The following MAD1L1 variants were observed in gnomAD, a reference collection of about 807,000 sequenced individuals.
The protein encoded by MAD1L1 is mitotic spindle assembly checkpoint protein MAD1.
MAD1L1 carries 95 observed loss-of-function variants against 96.9 expected under a neutral mutation model. That is an observed-to-expected ratio of 0.98 (90% CI 0.83 to 1.16). The LOEUF (loss-of-function observed/expected upper bound fraction) is 1.16. Among genes scored for constraint, MAD1L1 ranks in the 50% most tolerant of loss-of-function variants. The probability of loss-of-function intolerance (pLI) is 0.00; values close to 1 mark genes in which losing one functional copy is unlikely to be tolerated. For synonymous variants in MAD1L1, 473 were observed against 396.6 expected, an observed-to-expected ratio of 1.19 and a Z score of -2.29; for missense variants, 1,007 against 954.4, an observed-to-expected ratio of 1.06 and a Z score of -0.73.
chr7:2,079,938 CAG>C (rs1335866586), intron 11 of MAD1L1: 1 of 364,074 alleles, frequency 2.7e-6, no homozygotes, highest in Non-Finnish European at 5.5e-6. Context: ...TGGAGTGACG[CAG>C]AGAGGCACAG....
chr7:1,966,431 C>T (rs1431998993), intron 15 of MAD1L1, among the ~76,000 whole-genome samples: 2 of 152,040 alleles, frequency 1.3e-5, no homozygotes, highest in African/African-American at 2.4e-5. Flanking sequence ...GGCCACAAGA[C>T]GGCCCATGCA....
chr7:1,871,238 C>T (rs62435158), intron 18 of MAD1L1, among the ~76,000 whole-genome samples: 75,955 of 86,522 alleles, frequency 0.88, 33,060 homozygotes, highest in Admixed American at 0.92. Flanking sequence ...ACCCAACATA[C>T]GCCTGCCACG....
chr7:2,225,030 T>A (rs993718863), intron 4 of MAD1L1, among the ~76,000 whole-genome samples: 33 of 152,336 alleles, frequency 2.2e-4, no homozygotes, highest in African/African-American at 7.5e-4. Context: ...CAAAAGAATC[T>A]GTGCCAGCAC....
intron 11 of MAD1L1, among the ~76,000 whole-genome samples, chr7:2,137,513 C>A (rs1045277268): frequency 1.3e-5 from 2 of 152,164 alleles, no homozygotes; most frequent in Admixed American, 6.5e-5. Context: ...CACACTGCCT[C>A]CTCCTTCCCT....
At chr7:2,175,513 A>C (rs1341696351) in intron 10 of MAD1L1, 3 of 152,108 alleles carry the variant, frequency 2.0e-5, no homozygotes, top group South Asian at 2.1e-4. Context: ...AAAAAAAAAA[A>C]AAAACCCACC....
chr7:2,063,707 C>T (rs1304374853), intron 12 of MAD1L1, among the ~76,000 whole-genome samples: 5 of 152,242 alleles, frequency 3.3e-5, no homozygotes, highest in South Asian at 2.1e-4. Context: ...AGCCTGGGCA[C>T]GGTGCCAGCG....
intron 17 of MAD1L1, among the ~76,000 whole-genome samples, chr7:1,909,875 G>A (rs923698021): frequency 6.6e-6 from 1 of 152,192 alleles, no homozygotes; most frequent in African/African-American, 2.4e-5. Context: ...CTCTGCTCCA[G>A]TGAGAAGACA....
intron 10 of MAD1L1, among the ~76,000 whole-genome samples, chr7:2,212,884 G>A (rs949372777): frequency 2.6e-5 from 4 of 152,284 alleles, no homozygotes; most frequent in Admixed American, 6.5e-5. Flanking sequence ...TCCCCCAAAA[G>A]CAATTATTTC....
chr7:1,885,567 G>A (rs974324009), intron 18 of MAD1L1, among the ~76,000 whole-genome samples: 2 of 152,106 alleles, frequency 1.3e-5, no homozygotes, highest in Admixed American at 6.5e-5. Context: ...ACGGTGGGCC[G>A]CTGTAGCTCC....
intron 12 of MAD1L1, among the ~76,000 whole-genome samples, chr7:2,051,146 G>A (rs114102163): frequency 1.3e-5 from 2 of 152,294 alleles, no homozygotes; most frequent in South Asian, 4.1e-4. Context: ...ACAAGGTTCC[G>A]GGCCTGGTCC....
intron 12 of MAD1L1, among the ~76,000 whole-genome samples, chr7:2,055,647 G>A (rs1407296988): frequency 4.7e-5 from 7 of 147,468 alleles, no homozygotes; most frequent in Non-Finnish European, 5.9e-5. Flanking sequence ...TCCAGCCTGG[G>A]TGACACAGAG....
chr7:2,058,514 G>A (rs1430095830), intron 12 of MAD1L1, among the ~76,000 whole-genome samples: 5 of 91,620 alleles, frequency 5.5e-5, no homozygotes, highest in Non-Finnish European at 6.8e-5. Flanking sequence ...GTGGCCAGAG[G>A]AGAGGAGAGG....
intron 11 of MAD1L1, among the ~76,000 whole-genome samples, chr7:2,087,545 T>C (rs1266129016): frequency 6.6e-6 from 1 of 151,988 alleles, no homozygotes; most frequent in Non-Finnish European, 1.5e-5. Flanking sequence ...GTCTTGAAAA[T>C]AATATTATTA....
chr7:1,888,397 T>C (rs1401923725), intron 18 of MAD1L1, among the ~76,000 whole-genome samples: 1 of 133,062 alleles, frequency 7.5e-6, no homozygotes, highest in African/African-American at 3.4e-5. Context: ...TGTGTGTGCA[T>C]GCGTGTGGCT....
Position 1,831,486 on chromosome 7 carries a change from C to T in MAD1L1, c.1999-15258G>A, listed in dbSNP as rs568838995. 2.0e-5 allele frequency among the ~76,000 whole-genome samples: 3 copies of T among 152,312 alleles called. No individual in the cohort carries two copies. In the East Asian group the frequency reaches 5.8e-4, roughly 29 times the overall value. On this transcript the variant is annotated intron_variant, in intron 18 of 18. Coordinates refer to ENST00000265854, the MANE Select transcript of MAD1L1 (RefSeq NM_001013836.2). The stretch of plus-strand genomic sequence containing the variant: ...AGGCCCATTAATAACCCTAGAATGG[C>T]TTCTAGGTGTTCAAGTGAAAGAAGA...
chr7:2,098,926 C>A (rs906421561), intron 11 of MAD1L1, among the ~76,000 whole-genome samples: 11 of 152,174 alleles, frequency 7.2e-5, no homozygotes, highest in Non-Finnish European at 1.0e-4. Flanking sequence ...AAAGGCTGAG[C>A]TGGAATTTGC....
At chr7:2,024,102 C>A (rs1360582586) in intron 12 of MAD1L1, among the ~76,000 whole-genome samples, 77 of 148,652 alleles carry the variant, frequency 5.2e-4, no homozygotes, top group African/African-American at 1.8e-3. Context: ...CCAGGTTAAC[C>A]AACATTAAAA....
intron 11 of MAD1L1, among the ~76,000 whole-genome samples, chr7:2,113,465 A>C (rs1787490288): frequency 6.6e-6 from 1 of 152,188 alleles, no homozygotes; most frequent in African/African-American, 2.4e-5. Flanking sequence ...CTGTGGTCCC[A>C]GCTACTTGGG....
At chr7:1,919,668 A>C (rs1788652000) in intron 17 of MAD1L1, among the ~76,000 whole-genome samples, 1 of 152,164 alleles carries the variant, frequency 6.6e-6, no homozygotes, top group African/African-American at 2.4e-5. Context: ...CTCTGCTATA[A>C]ACACACCCTC....
Sources: gnomAD v4.1 joint callset for allele counts (sites outside exome capture counted in the v4.1 genomes callset) on GRCh38, gnomAD v4.1.1 for gene constraint, MANE v1.5 for transcripts, NCBI Gene and HGNC (gene_info 2026-07-23, HGNC 2026-07-21) for gene names.